The following E2F1 variants were observed in gnomAD, a reference collection of about 807,000 sequenced individuals.
The protein encoded by E2F1 is transcription factor E2F1.
In E2F1, 7 loss-of-function variants were observed where a neutral mutation model predicts 36.9. The ratio of observed to expected loss-of-function variants is 0.19; its 90% CI spans 0.11 to 0.36. E2F1 has a LOEUF of 0.36. E2F1 is among the 10% of genes least tolerant of loss of function. E2F1 has a pLI of 1.00. For missense variants in E2F1, 406 were observed against 573.6 expected, an observed-to-expected ratio of 0.71 and a Z score of 2.99; for synonymous variants, 261 against 263.1, an observed-to-expected ratio of 0.99 and a Z score of 0.08.
intron 1 of E2F1, among the ~76,000 whole-genome samples, chr20:33,683,513 C>A (rs1220339675): frequency 6.6e-6 from 1 of 151,532 alleles, no homozygotes; most frequent in African/African-American, 2.4e-5. Flanking sequence ...TGACTCACAC[C>A]TGTAATCCCA....
intron 2 of E2F1, 46 bp downstream of exon 2, chr20:33,680,280 T>C (rs756794069): frequency 6.3e-7 from 1 of 1,586,630 alleles, no homozygotes; most frequent in South Asian, 1.1e-5. Flanking sequence ...ATCCCTAACC[T>C]GGGCCTGGTC....
At chr20:33,681,805 C>A (rs536680321) in intron 1 of E2F1, among the ~76,000 whole-genome samples, 2 of 152,272 alleles carry the variant, frequency 1.3e-5, no homozygotes, top group East Asian at 3.9e-4. Context: ...GCTGAGCAGA[C>A]TCCACACTGG....
rs1170993752 is a variant in E2F1, at chr20:33,681,420, T to G, written c.262-1004A>C. Among the ~76,000 whole-genome samples, 4 of 152,202 alleles carry G rather than the reference T, an allele frequency of 2.6e-5. No individual in the cohort carries two copies. The East Asian group carries it at 7.7e-4, about 29-fold the overall frequency. The stretch of plus-strand genomic sequence containing the variant: ...AATCTATACGCATGGTAGCAGCTGG[T>G]GCTCATCAAGTTCCTTGCATCCATT... On this transcript the variant is annotated intron_variant, in intron 1 of 6. Coordinates refer to ENST00000343380, the MANE Select transcript of E2F1 (RefSeq NM_005225.3).
chr20:33,680,274 C>T lies in E2F1; in HGVS notation c.352+52G>A, dbSNP rs544499997. 2.1e-4 allele frequency: 324 copies of T among 1,577,514 alleles called. 2 individuals carry two copies. The East Asian group carries it at 6.7e-3, about 33-fold the overall frequency. ...CAAGCATGTTTGTCTGTTCACATCC[C>T]TAACCTGGGCCTGGTCACAGGGGGT... On this transcript the variant is annotated intron_variant, in intron 2 of 6. Transcript: ENST00000343380.
At position 33,679,060 on chromosome 20, in the gene E2F1, GA is replaced by G. The variant is rs1273965034; in HGVS notation, c.572+694del. Reference sequence around the variant, plus strand: ...AGCATGATGACTGGCGCGAAGGCGAGAGGGGGAAAATAAAACAAGAATAAAA... The same window carrying G: ...AGCATGATGACTGGCGCGAAGGCGAGGGGGGAAAATAAAACAAGAATAAAA... On this transcript the variant is annotated intron_variant, in intron 3 of 6. Transcript: ENST00000343380. This position sits in a 1 kb window ranked among gnomAD's most constrained non-coding sequence, Gnocchi z 4.6. 1.3e-5 allele frequency among the ~76,000 whole-genome samples: 2 copies of G among 152,274 alleles called. No homozygotes were observed. Among genetic ancestry groups the G allele is most frequent in the South Asian group, 4.1e-4 (2 of 4,832 alleles).
chr20:33,678,174 C>T, intron 4 of E2F1, 27 bp downstream of exon 4: 1 of 1,592,814 alleles, frequency 6.3e-7, no homozygotes, highest in South Asian at 1.1e-5. Flanking sequence ...GCCTGCCTTC[C>T]ACACCCTACG....
At chr20:33,678,512 CAG>C (rs1411934171) in intron 3 of E2F1, among the ~76,000 whole-genome samples, 159 bp from the exon 4 acceptor site, 1 of 152,232 alleles carries the variant, frequency 6.6e-6, no homozygotes, top group South Asian at 2.1e-4. Flanking sequence ...GGCTCCAAAT[CAG>C]AGTGTCATGG....
chr20:33,678,404 G>A (rs766488656), intron 3 of E2F1, 51 bp from the exon 4 acceptor site: 6 of 1,600,558 alleles, frequency 3.7e-6, no homozygotes, highest in Non-Finnish European at 5.1e-6. Context: ...GGCCCCTCTG[G>A]CCAGGAGCCC....
chr20:33,678,790 A>T (rs1303964952), intron 3 of E2F1, among the ~76,000 whole-genome samples: 1 of 152,112 alleles, frequency 6.6e-6, no homozygotes, highest in Non-Finnish European at 1.5e-5. Flanking sequence ...CTCTGCCTCT[A>T]CACAAAATCA....
intron 1 of E2F1, 64 bp from the exon 2 acceptor site, chr20:33,680,480 G>A: frequency 6.7e-7 from 1 of 1,483,380 alleles, no homozygotes. Context: ...CTGGCTTAAG[G>A]CTGGGTGCCT....
intron 1 of E2F1, 102 bp downstream of exon 1, chr20:33,685,902 C>T: frequency 9.8e-7 from 1 of 1,017,252 alleles, no homozygotes. Context: ...CAGTCAACCC[C>T]TCCCCCGCCC....
intron 2 of E2F1, 106 bp from the exon 3 acceptor site, chr20:33,680,080 G>C: frequency 9.6e-7 from 1 of 1,043,836 alleles, no homozygotes; most frequent in South Asian, 1.4e-5. Flanking sequence ...TGGGGGCTGG[G>C]GGACAGCCAG....
At position 33,679,980 on chromosome 20, in the gene E2F1, G is replaced by A. The variant is rs1224634489; in HGVS notation, c.353-6C>T. 1 of 1,610,540 alleles carries A rather than the reference G, an allele frequency of 6.2e-7. No homozygotes were observed. Among genetic ancestry groups the A allele is most frequent in the South Asian group, 1.1e-5 (1 of 90,718 alleles). On this transcript the variant is annotated splice_polypyrimidine_tract_variant and splice_region_variant and intron_variant, in intron 2 of 6. Transcript: ENST00000343380. The surrounding 1 kb of genome is among the most constrained non-coding windows in gnomAD (Gnocchi z 4.6). ...CTCCCCCGGGGATTTCACACCTGTGGGGGTGTGGTCAGGCAAGACAGGGCC... is the reference window on the plus strand; with the variant it reads ...CTCCCCCGGGGATTTCACACCTGTGAGGGTGTGGTCAGGCAAGACAGGGCC...
chr20:33,681,840 TCCTCCTACAAAC>T (rs1222179821), intron 1 of E2F1, among the ~76,000 whole-genome samples: 1 of 151,988 alleles, frequency 6.6e-6, no homozygotes, highest in Non-Finnish European at 1.5e-5. Context: ...CTGCAGCCAG[TCCTCCTACAAAC>T]CTTACCATGC....
chr20:33,686,295 AGGCGGC>A lies in E2F1; in HGVS notation c.-37_-32del, dbSNP rs1250547418. On this transcript the variant is annotated 5_prime_UTR_variant, in exon 1 of 7. Transcript: ENST00000343380. ...TCACGGCCCGCGCGGCCCGGGTGACAGGCGGCGGCGGCGGCGCGGGCCCATGGCGGC... is the reference window on the plus strand; with the variant it reads ...TCACGGCCCGCGCGGCCCGGGTGACAGGCGGCGGCGCGGGCCCATGGCGGC... 51 of 997,764 alleles carry A rather than the reference AGGCGGC, an allele frequency of 5.1e-5. No homozygotes were observed. Among genetic ancestry groups the A allele is most frequent in the Non-Finnish European group, 6.0e-5 (50 of 839,416 alleles). 61.8% of individuals were successfully genotyped at this position (997,764 alleles called of 1,614,324 possible). A position where few individuals can be genotyped will look rare whatever the true frequency, so the allele number is the denominator to read the frequency against.
At position 33,686,075 on chromosome 20, in the gene E2F1, G is replaced by C; in HGVS notation, c.190C>G (p.Leu64Val). ...GGCGCCTGCGGTGTGGCGAAGAGCAGCAGGTCAGGGTCGCAGGGGCCGGCG... is the reference window on the plus strand; with the variant it reads ...GGCGCCTGCGGTGTGGCGAAGAGCACCAGGTCAGGGTCGCAGGGGCCGGCG... ...PAAGPCDPDL[L>V]LFATPQAPRP... is the part of the protein sequence containing the mutation. Residue 64 changes from leucine to valine, a missense_variant, in exon 1 of 7, where the codon CTG becomes GTG. Leu to Val is a conservative substitution (Grantham distance 32). This residue lies in a region of E2F1 where 68 missense variants were observed against 74.3 expected (regional missense o/e 0.92). Coordinates refer to ENST00000343380, the MANE Select transcript of E2F1 (RefSeq NM_005225.3). 9.0e-7 allele frequency: 1 copy of C among 1,113,176 alleles called. No individual in the cohort carries two copies. Among genetic ancestry groups the C allele is most frequent in the Admixed American group, 5.1e-5 (1 of 19,736 alleles). 69.0% of individuals were successfully genotyped at this position (1,113,176 alleles called of 1,614,324 possible). A position where few individuals can be genotyped will look rare whatever the true frequency, so the allele number is the denominator to read the frequency against.
At position 33,686,080 on chromosome 20, in the gene E2F1, T is replaced by C; in HGVS notation, c.185A>G (p.Asp62Gly). 4 of 1,109,102 alleles carry C rather than the reference T, an allele frequency of 3.6e-6. No individual in the cohort carries two copies. The highest frequency in any genetic ancestry group is 4.4e-6 in the Non-Finnish European group (4 of 911,954). The allele number at this position is 1,109,102 out of a possible 1,614,324, so 68.7% of individuals were successfully genotyped here. Residue 62 changes from aspartate (D) to glycine (G), a missense_variant, in exon 1 of 7, where the codon GAC becomes GGC. Around this residue, in one of 5 missense-constraint regions of E2F1, gnomAD observed 68 missense variants for 74.3 expected, o/e 0.92. Coordinates refer to ENST00000343380, the MANE Select transcript of E2F1 (RefSeq NM_005225.3). ...CTGCGGTGTGGCGAAGAGCAGCAGG[T>C]CAGGGTCGCAGGGGCCGGCGGCGGG... ...AAPAAGPCDPDLLLFATPQAP... is the reference protein window; with the variant it reads ...AAPAAGPCDPGLLLFATPQAP...
At chr20:33,682,200 G>A (rs997827772) in intron 1 of E2F1, among the ~76,000 whole-genome samples, 2 of 152,070 alleles carry the variant, frequency 1.3e-5, no homozygotes, top group Admixed American at 1.3e-4. Context: ...ATGGAGCCTG[G>A]CATCAACAAA....
In E2F1 at chr20:33,686,247, G is replaced by A. The variant is rs2122555168; in HGVS notation, c.18C>T (p.Ala6=). MALAG[A]PAGGPCAPAL... ...CCGGCGCGCATGGGCCGCCCGCAGG[G>A]GCCCCGGCCAAGGCCATGACGCTCA... The change falls in exon 1 of 7, where the codon GCC becomes GCT. Residue 6 remains alanine, a synonymous_variant. Transcript: ENST00000343380. 1 of 1,017,468 alleles carries A rather than the reference G, an allele frequency of 9.8e-7. No individual in the cohort carries two copies. Among genetic ancestry groups the A allele is most frequent in the Non-Finnish European group, 1.2e-6 (1 of 852,624 alleles). The allele number at this position is 1,017,468 out of a possible 1,614,324, so 63.0% of individuals were successfully genotyped here.
Sources: gnomAD v4.1 joint callset for allele counts (sites outside exome capture counted in the v4.1 genomes callset) on GRCh38, gnomAD v4.1.1 for gene constraint, gnomAD v4.1.1 regional missense constraint, Gnocchi (gnomAD v3.1) non-coding constraint, MANE v1.5 for transcripts, NCBI Gene and HGNC (gene_info 2026-07-23, HGNC 2026-07-21) for gene names.